The following HIP1 variants were observed in gnomAD, a reference collection of about 807,000 sequenced individuals.
HIP1 encodes huntingtin-interacting protein 1.
Under a neutral mutation model 147.6 loss-of-function variants are expected in HIP1, and 65 were observed. The observed-to-expected ratio is 0.44, with a 90% CI of 0.36 to 0.54. HIP1 has a LOEUF of 0.54. Ranked by LOEUF, HIP1 falls within the 20% of genes least tolerant of loss-of-function variation. HIP1 has a pLI of 0.00. For synonymous variants in HIP1, 479 were observed against 504.0 expected (o/e 0.95, Z 0.67); for missense variants, 1,061 against 1,299.6 (o/e 0.82, Z 2.82).
At chr7:75,698,027 C>T (rs1800695214) in intron 1 of HIP1, among the ~76,000 whole-genome samples, 1 of 152,100 alleles carries the variant, frequency 6.6e-6, no homozygotes, top group Non-Finnish European at 1.5e-5. Context: ...GTCTCACACA[C>T]TATGCTGCTC....
intron 1 of HIP1, among the ~76,000 whole-genome samples, chr7:75,716,824 TTA>T (rs201338341): frequency 0.052 from 7,745 of 149,872 alleles, 602 homozygotes; most frequent in African/African-American, 0.17. Context: ...CAGCTTTTTT[TTA>T]GGGGGGGGGA....
chr7:75,621,236 G>A (rs1797836779), intron 1 of HIP1, among the ~76,000 whole-genome samples: 1 of 151,724 alleles, frequency 6.6e-6, no homozygotes, highest in African/African-American at 2.4e-5. Context: ...GAGGAAGTGA[G>A]CCTGGTACAC....
chr7:75,730,250 G>C (rs1042143056), intron 1 of HIP1, among the ~76,000 whole-genome samples: 7 of 152,026 alleles, frequency 4.6e-5, no homozygotes, highest in African/African-American at 7.2e-5. Context: ...AGGAGGAAGA[G>C]AGCAGAGGGT....
At chr7:75,738,709 G>A (rs1331523656) in intron 1 of HIP1, 92 bp downstream of exon 1, 21 of 1,411,750 alleles carry the variant, frequency 1.5e-5, no homozygotes, top group Non-Finnish European at 2.0e-5. Flanking sequence ...CTTCAACTGG[G>A]GCCTGCAAGA....
At chr7:75,705,805 C>G (rs1366378377) in intron 1 of HIP1, among the ~76,000 whole-genome samples, 1 of 152,220 alleles carries the variant, frequency 6.6e-6, no homozygotes, top group Admixed American at 6.6e-5. Flanking sequence ...CTACAAACAT[C>G]TCTTCATGAG....
chr7:75,683,515 C>T (rs1800163482), intron 1 of HIP1, among the ~76,000 whole-genome samples: 2 of 152,082 alleles, frequency 1.3e-5, no homozygotes, highest in African/African-American at 4.8e-5. Flanking sequence ...TGCAGATGCA[C>T]CCTGGGGAAG....
intron 4 of HIP1, among the ~76,000 whole-genome samples, chr7:75,588,376 A>G (rs1194643723): frequency 6.6e-6 from 1 of 152,192 alleles, no homozygotes; most frequent in African/African-American, 2.4e-5. Context: ...CAAATCTCTA[A>G]AGACTTTAGA....
At chr7:75,626,882 CACAA>C (rs1406580170) in intron 1 of HIP1, 2 of 121,516 alleles carry the variant, frequency 1.6e-5, no homozygotes, top group African/African-American at 6.1e-5. Context: ...AGTGCATGCA[CACAA>C]ACACACACAC....
chr7:75,595,229 TTTC>T lies in HIP1; in HGVS notation c.185-2718_185-2716del, dbSNP rs1796661640. Among the ~76,000 whole-genome samples the T allele has an allele frequency of 2.8e-5, 3 of 107,260 alleles. No individual in the cohort carries two copies. In the South Asian group the frequency reaches 1.0e-3, roughly 36 times the overall value. 70.4% of individuals were successfully genotyped at this position (107,260 alleles called of 152,430 possible). On this transcript the variant is annotated intron_variant, in intron 2 of 30. Transcript: ENST00000336926. ...CTTTCTTTCTTTCTTTCTTTCTTTC[TTTC>T]TTTCTTTCTTTCTTTCTTTCTTCCT...
chr7:75,734,019 G>A (rs1233952214), intron 1 of HIP1, among the ~76,000 whole-genome samples: 1 of 151,976 alleles, frequency 6.6e-6, no homozygotes, highest in Non-Finnish European at 1.5e-5. Flanking sequence ...GCTGAGGCAG[G>A]CGGCTCACCT....
intron 1 of HIP1, among the ~76,000 whole-genome samples, chr7:75,627,209 C>T (rs1490441654): frequency 1.3e-5 from 2 of 152,174 alleles, no homozygotes; most frequent in Non-Finnish European, 2.9e-5. Context: ...TTCAATGAAG[C>T]AAGTGCTTAG....
At chr7:75,549,329 T>C (rs1303493857) in intron 22 of HIP1, among the ~76,000 whole-genome samples, 1 of 151,886 alleles carries the variant, frequency 6.6e-6, no homozygotes, top group Non-Finnish European at 1.5e-5. Context: ...GGAGGTATTT[T>C]TTTACAATTT....
intron 30 of HIP1, 149 bp from the exon 31 acceptor site, chr7:75,538,373 A>G (rs1794165726): frequency 4.3e-6 from 3 of 692,764 alleles, no homozygotes; most frequent in Non-Finnish European, 7.9e-6. Flanking sequence ...GTGTCTAGGA[A>G]TGACTAGGAT....
At chr7:75,681,276 G>A (rs1291561860) in intron 1 of HIP1, among the ~76,000 whole-genome samples, 1 of 151,984 alleles carries the variant, frequency 6.6e-6, no homozygotes, top group Non-Finnish European at 1.5e-5. Flanking sequence ...TCCCCTTCTT[G>A]TCAACCCTGC....
chr7:75,661,275 T>C (rs1584928904), intron 1 of HIP1, among the ~76,000 whole-genome samples: 1 of 135,832 alleles, frequency 7.4e-6, no homozygotes, highest in East Asian at 2.3e-4. Flanking sequence ...GAGACCCTGT[T>C]AAAAAAAAAA....
chr7:75,643,386 C>G (rs1225747592), intron 1 of HIP1, among the ~76,000 whole-genome samples: 1 of 152,112 alleles, frequency 6.6e-6, no homozygotes, highest in Non-Finnish European at 1.5e-5. Flanking sequence ...AATCCCAGCA[C>G]TTTAGGAGGC....
chr7:75,712,269 T>C (rs1300087451), intron 1 of HIP1, among the ~76,000 whole-genome samples: 4 of 152,162 alleles, frequency 2.6e-5, no homozygotes, highest in Non-Finnish European at 5.9e-5. Context: ...CGGGAAGCTA[T>C]ATTTAGCTAC....
chr7:75,689,213 A>G (rs1037184848), intron 1 of HIP1, among the ~76,000 whole-genome samples: 2 of 151,896 alleles, frequency 1.3e-5, no homozygotes, highest in Admixed American at 6.6e-5. Context: ...TTTAAAATAT[A>G]TTTAAAAATA....
chr7:75,688,908 C>G (rs1800355489), intron 1 of HIP1, among the ~76,000 whole-genome samples: 1 of 152,190 alleles, frequency 6.6e-6, no homozygotes, highest in South Asian at 2.1e-4. Context: ...TCTGAGGTCC[C>G]CTGGCTCAGG....
Sources: allele counts gnomAD v4.1 joint callset (sites outside exome capture counted in the v4.1 genomes callset), GRCh38; gene constraint gnomAD v4.1.1; transcripts MANE v1.5; gene names NCBI Gene and HGNC (gene_info 2026-07-23, HGNC 2026-07-21).